Variants in SLIT3 observed in about 807,000 individuals in gnomAD.
The protein encoded by SLIT3 is slit guidance ligand 3.
Under a neutral mutation model 184.0 loss-of-function variants are expected in SLIT3, and 68 were observed. The ratio of observed to expected loss-of-function variants is 0.37; its 90% CI spans 0.30 to 0.45. The LOEUF is 0.45. Among genes scored for constraint, SLIT3 ranks in the 20% least tolerant of loss-of-function variants. The pLI is 1.00. For synonymous variants in SLIT3, 831 were observed against 828.6 expected, an observed-to-expected ratio of 1.00 and a Z score of -0.05; for missense variants, 1,707 against 2,026.0, an observed-to-expected ratio of 0.84 and a Z score of 3.02.
At chr5:169,144,494 G>A (rs1761862017) in intron 4 of SLIT3, among the ~76,000 whole-genome samples, 2 of 152,236 alleles carry the variant, frequency 1.3e-5, no homozygotes, top group South Asian at 4.1e-4. Context: ...CATGGAACAT[G>A]CTTGTCATCC....
intron 1 of SLIT3, among the ~76,000 whole-genome samples, chr5:169,259,830 G>T (rs1415129179): frequency 6.6e-6 from 1 of 150,860 alleles, no homozygotes; most frequent in African/African-American, 2.5e-5. Flanking sequence ...AATATAGCTT[G>T]GTCCTTGTTT....
At chr5:168,700,335 T>TA (rs1762177949) in intron 27 of SLIT3, among the ~76,000 whole-genome samples, 1 of 152,232 alleles carries the variant, frequency 6.6e-6, no homozygotes, top group Non-Finnish European at 1.5e-5. Flanking sequence ...TGGTAGTGAA[T>TA]AAATCTCACC....
intron 27 of SLIT3, 121 bp from the exon 28 acceptor site, chr5:168,696,552 T>A: frequency 8.6e-7 from 1 of 1,168,166 alleles, no homozygotes; most frequent in Non-Finnish European, 1.2e-6. Context: ...GATGGAGGTC[T>A]GAGAAAGCAC....
At chr5:169,088,286 C>T (rs535574908) in intron 4 of SLIT3, among the ~76,000 whole-genome samples, 17 of 152,170 alleles carry the variant, frequency 1.1e-4, no homozygotes, top group East Asian at 7.7e-4. Flanking sequence ...AGGTGGTTCA[C>T]GGTGTTTCAG....
At chr5:168,939,610 G>A (rs1340210478) in intron 4 of SLIT3, among the ~76,000 whole-genome samples, 1 of 152,280 alleles carries the variant, frequency 6.6e-6, no homozygotes, top group Non-Finnish European at 1.5e-5. Flanking sequence ...TAAGCACCTC[G>A]ATGGGTCACA....
chr5:169,280,915 C>G (rs1162148007), intron 1 of SLIT3, among the ~76,000 whole-genome samples: 3 of 152,080 alleles, frequency 2.0e-5, no homozygotes, highest in Non-Finnish European at 2.9e-5. Flanking sequence ...ACCACAAATA[C>G]AATAGCCAAG....
chr5:169,136,710 T>C (rs531237286), intron 4 of SLIT3, among the ~76,000 whole-genome samples: 17 of 152,242 alleles, frequency 1.1e-4, no homozygotes, highest in Non-Finnish European at 2.4e-4. Flanking sequence ...TGCTTTCCCA[T>C]TGGAGAATGG....
intron 3 of SLIT3, among the ~76,000 whole-genome samples, chr5:169,200,965 G>T (rs1359060947): frequency 1.3e-5 from 2 of 152,154 alleles, no homozygotes; most frequent in Non-Finnish European, 2.9e-5. Context: ...TCAATACCCA[G>T]GGCCATTTTA....
chr5:168,767,417 C>T (rs1456007675), intron 14 of SLIT3, among the ~76,000 whole-genome samples: 2 of 152,174 alleles, frequency 1.3e-5, no homozygotes, highest in African/African-American at 4.8e-5. Context: ...GTACCAAGAT[C>T]CCTCTCTTTA....
At chr5:168,923,113 C>T (rs1405483164) in intron 4 of SLIT3, among the ~76,000 whole-genome samples, 1 of 152,120 alleles carries the variant, frequency 6.6e-6, no homozygotes, top group Non-Finnish European at 1.5e-5. Context: ...AGCTCGGAAC[C>T]TTTAGGACTG....
At chr5:169,045,998 T>C (rs1370678612) in intron 4 of SLIT3, among the ~76,000 whole-genome samples, 3 of 152,168 alleles carry the variant, frequency 2.0e-5, no homozygotes, top group Non-Finnish European at 2.9e-5. Context: ...TACGGACATA[T>C]TGAATTAATG....
chr5:169,151,617 T>C (rs1309429652), intron 4 of SLIT3, among the ~76,000 whole-genome samples: 2 of 152,222 alleles, frequency 1.3e-5, no homozygotes, highest in African/African-American at 2.4e-5. Flanking sequence ...ATCAATGTCA[T>C]CTTTCTTGGA....
At chr5:168,907,942 G>A (rs1250732153) in intron 4 of SLIT3, among the ~76,000 whole-genome samples, 4 of 53,538 alleles carry the variant, frequency 7.5e-5, no homozygotes, top group Admixed American at 2.1e-4. Context: ...TATATTATAC[G>A]TGTATATATA....
chr5:168,916,114 TCAC>T (rs531083408), intron 4 of SLIT3, among the ~76,000 whole-genome samples: 1 of 152,036 alleles, frequency 6.6e-6, no homozygotes, highest in Non-Finnish European at 1.5e-5. Context: ...AATGGCAAAA[TCAC>T]CACCACCACC....
At chr5:168,753,182 A>C in intron 17 of SLIT3, 84 bp from the exon 18 acceptor site, 8 of 1,421,390 alleles carry the variant, frequency 5.6e-6, no homozygotes, top group Non-Finnish European at 6.8e-6. Context: ...GTGTGTGTGT[A>C]TAGGTGAGAT....
intron 4 of SLIT3, among the ~76,000 whole-genome samples, chr5:169,179,327 C>G (rs1763080033): frequency 7.4e-6 from 1 of 135,346 alleles, no homozygotes; most frequent in South Asian, 2.3e-4. Flanking sequence ...GTTTGAGTCT[C>G]CACAGGTTAT....
intron 3 of SLIT3, among the ~76,000 whole-genome samples, chr5:169,195,068 A>G (rs886215242): frequency 4.6e-5 from 7 of 152,200 alleles, no homozygotes; most frequent in African/African-American, 1.7e-4. Flanking sequence ...TTTTCTACTT[A>G]GAGTGAATTG....
intron 12 of SLIT3, among the ~76,000 whole-genome samples, chr5:168,780,711 CT>C (rs1423201908): frequency 1.3e-5 from 2 of 152,214 alleles, no homozygotes; most frequent in Non-Finnish European, 2.9e-5. Context: ...TGCCTTCCTT[CT>C]TTTTATTTCT....
chr5:168,762,948 C>G (rs756307268), intron 14 of SLIT3, among the ~76,000 whole-genome samples: 20 of 152,204 alleles, frequency 1.3e-4, no homozygotes, highest in Non-Finnish European at 2.5e-4. Context: ...TCTGTGGGCC[C>G]TTATGCTTTT....
Sources: allele counts gnomAD v4.1 joint callset (sites outside exome capture counted in the v4.1 genomes callset), GRCh38; gene constraint gnomAD v4.1.1; transcripts MANE v1.5; gene names NCBI Gene and HGNC (gene_info 2026-07-23, HGNC 2026-07-21).